The following B4GALT5 variants were observed in gnomAD, a reference collection of about 807,000 sequenced individuals.
B4GALT5 encodes UDP-Gal:beta-GlcNAc beta-1,4-galactosyltransferase 5.
Under a neutral mutation model 45.0 loss-of-function variants are expected in B4GALT5, and 11 were observed. The ratio of observed to expected loss-of-function variants is 0.24; its 90% CI spans 0.15 to 0.40. The LOEUF is 0.40. Among genes scored for constraint, B4GALT5 ranks in the 10% least tolerant of loss-of-function variants. The pLI, the probability that B4GALT5 is intolerant of heterozygous loss-of-function variation, is 1.00. For missense variants in B4GALT5, 337 were observed against 500.2 expected, an observed-to-expected ratio of 0.67 and a Z score of 3.11; for synonymous variants, 185 against 182.9, an observed-to-expected ratio of 1.01 and a Z score of -0.09.
In B4GALT5 at chr20:49,637,250, G is replaced by A. The variant is rs1314942312; in HGVS notation, c.1019+91C>T. ...TGTCAGAACAGGGCCTCGGGGTGGG[G>A]AGTAGGAGAAGGGGCTGTAATATGC... On this transcript the variant is annotated intron_variant, in intron 8 of 8. Transcript: ENST00000371711. 12 of 1,120,960 alleles carry A rather than the reference G, an allele frequency of 1.1e-5. No homozygotes were observed. The Admixed American group carries it at 1.2e-4, about 11-fold the overall frequency. 69.4% of individuals were successfully genotyped at this position (1,120,960 alleles called of 1,614,324 possible). A position where few individuals can be genotyped will look rare whatever the true frequency, so the allele number is the denominator to read the frequency against.
At chr20:49,661,875 C>T (rs1303133043) in intron 1 of B4GALT5, among the ~76,000 whole-genome samples, 2 of 152,120 alleles carry the variant, frequency 1.3e-5, no homozygotes, top group Non-Finnish European at 2.9e-5. Flanking sequence ...AATTATTATC[C>T]AGCCTCATAT....
chr20:49,713,199 G>A (rs1189230879), intron 1 of B4GALT5, among the ~76,000 whole-genome samples: 10 of 151,716 alleles, frequency 6.6e-5, no homozygotes, highest in Non-Finnish European at 1.5e-4. Context: ...GGGGTTCGAG[G>A]AGACCCCGGG....
chr20:49,688,822 A>G (rs566672226), intron 1 of B4GALT5, among the ~76,000 whole-genome samples: 51 of 151,880 alleles, frequency 3.4e-4, no homozygotes, highest in Non-Finnish European at 6.8e-4. Context: ...CTGTAATCCC[A>G]GCTACTCAGG....
intron 3 of B4GALT5, among the ~76,000 whole-genome samples, chr20:49,645,696 C>T (rs1368062132): frequency 1.3e-5 from 2 of 151,854 alleles, no homozygotes; most frequent in Non-Finnish European, 2.9e-5. Context: ...TTGCAGTGAG[C>T]GGAGACGGCA....
intron 1 of B4GALT5, among the ~76,000 whole-genome samples, chr20:49,686,728 C>CAAA (rs59766440): frequency 0.012 from 738 of 59,418 alleles, 38 homozygotes; most frequent in African/African-American, 0.036. Flanking sequence ...TGTCTCTGCC[C>CAAA]AAAAAAAAAA....
rs1601243004 is a variant in B4GALT5 at position 49,635,702 on chromosome 20, T to C, written c.*610A>G. On this transcript the variant is annotated 3_prime_UTR_variant, in exon 9 of 9. Transcript: ENST00000371711. ...ATTTTACATGGCTTATTTACAATTATACTTCTTCAAGAAGTGATTGTTATA... is the reference window on the plus strand; with the variant it reads ...ATTTTACATGGCTTATTTACAATTACACTTCTTCAAGAAGTGATTGTTATA... The C allele has an allele frequency of 6.6e-6, 1 of 152,658 alleles. No homozygotes were observed. Among genetic ancestry groups the C allele is most frequent in the Non-Finnish European group, 1.5e-5 (1 of 68,066 alleles). 9.5% of individuals were successfully genotyped at this position (152,658 alleles called of 1,614,324 possible).
At chr20:49,649,209 G>A (rs189389517) in intron 2 of B4GALT5, among the ~76,000 whole-genome samples, 1 of 152,308 alleles carries the variant, frequency 6.6e-6, no homozygotes, top group East Asian at 1.9e-4. Context: ...AATGCTTTCT[G>A]TCCTTTTCAG....
At chr20:49,668,301 C>A (rs2085700714) in intron 1 of B4GALT5, among the ~76,000 whole-genome samples, 1 of 152,020 alleles carries the variant, frequency 6.6e-6, no homozygotes, top group Non-Finnish European at 1.5e-5. Flanking sequence ...TATTAGTCTA[C>A]CATCTGTTAA....
chr20:49,656,792 T>G, intron 1 of B4GALT5, 90 bp from the exon 2 acceptor site: 2 of 1,555,332 alleles, frequency 1.3e-6, no homozygotes, highest in Non-Finnish European at 1.7e-6. Flanking sequence ...TTTTTTCTTT[T>G]TGGACTTTTA....
At position 49,637,460 on chromosome 20, in the gene B4GALT5, A is replaced by G. The variant is rs2085558871; in HGVS notation, c.918-18T>C. ...TCTGTACTCTGTCCAAGACCAAGAG[A>G]ACAGGCTTTTAGATACAACGGTAAT... On this transcript the variant is annotated intron_variant, in intron 7 of 8. Coordinates refer to ENST00000371711, the MANE Select transcript of B4GALT5 (RefSeq NM_004776.4). The G allele has an allele frequency of 1.3e-6, 2 of 1,594,564 alleles. No homozygotes were observed. Among genetic ancestry groups the G allele is most frequent in the Non-Finnish European group, 1.7e-6 (2 of 1,162,214 alleles).
chr20:49,659,757 G>C (rs2085657806), intron 1 of B4GALT5, among the ~76,000 whole-genome samples: 2 of 151,826 alleles, frequency 1.3e-5, no homozygotes, highest in Admixed American at 6.6e-5. Context: ...CATCAGCAAA[G>C]AAAACCTACT....
intron 1 of B4GALT5, among the ~76,000 whole-genome samples, chr20:49,708,231 C>A (rs148543556): frequency 1.3e-5 from 2 of 151,848 alleles, no homozygotes; most frequent in Admixed American, 6.6e-5. Context: ...GGTGACAGAG[C>A]GAGAGACTTC....
intron 1 of B4GALT5, among the ~76,000 whole-genome samples, chr20:49,693,106 G>T (rs976347273): frequency 1.3e-4 from 20 of 152,238 alleles, no homozygotes; most frequent in African/African-American, 4.8e-4. Context: ...TACCATCTAG[G>T]TTGGTGTAAG....
At chr20:49,713,508 G>A (rs117026282) in intron 1 of B4GALT5, 68 bp downstream of exon 1, 186,147 of 1,484,762 alleles carry the variant, frequency 0.13, 12,729 homozygotes, top group Middle Eastern at 0.14. Flanking sequence ...CCTTAGGGAG[G>A]GGCGGGGATT....
chr20:49,645,784 G>A (rs1455779886), intron 3 of B4GALT5, among the ~76,000 whole-genome samples: 1 of 151,802 alleles, frequency 6.6e-6, no homozygotes, highest in Non-Finnish European at 1.5e-5. Context: ...CAATTATGTA[G>A]AGTACATTAT....
In B4GALT5 at chr20:49,663,690, AATATATACAT is replaced by A. The variant is rs1278583054; in HGVS notation, c.116-6998_116-6989del. Among the ~76,000 whole-genome samples, 53 of 96,942 alleles carry A rather than the reference AATATATACAT, an allele frequency of 5.5e-4. 5 individuals carry two copies. Among genetic ancestry groups the A allele is most frequent in the African/African-American group, 2.1e-3 (48 of 22,432 alleles). The allele number at this position is 96,942 out of a possible 152,430, so 63.6% of individuals were successfully genotyped here. A position where few individuals can be genotyped will look rare whatever the true frequency, so the allele number is the denominator to read the frequency against. ...TTCATCTCAAGAAAAAAAAAAAAAAAATATATACATATATATATATATATATATATATATA... is the reference window on the plus strand; with the variant it reads ...TTCATCTCAAGAAAAAAAAAAAAAAAATATATATATATATATATATATATA... On this transcript the variant is annotated intron_variant, in intron 1 of 8. Coordinates refer to ENST00000371711, the MANE Select transcript of B4GALT5 (RefSeq NM_004776.4).
At chr20:49,689,693 AT>A (rs1024027634) in intron 1 of B4GALT5, among the ~76,000 whole-genome samples, 2 of 151,810 alleles carry the variant, frequency 1.3e-5, no homozygotes, top group Non-Finnish European at 2.9e-5. Context: ...AATTAATTAG[AT>A]TTTTTTTCCC....
At chr20:49,658,538 C>T (rs140074207) in intron 1 of B4GALT5, among the ~76,000 whole-genome samples, 130 of 152,274 alleles carry the variant, frequency 8.5e-4, no homozygotes, top group African/African-American at 3.0e-3. Context: ...TTGTGTAAAG[C>T]TTATAGTAAG....
At chr20:49,706,056 G>A (rs1049082861) in intron 1 of B4GALT5, among the ~76,000 whole-genome samples, 5 of 151,684 alleles carry the variant, frequency 3.3e-5, no homozygotes, top group Non-Finnish European at 5.9e-5. Context: ...GCTGGGCATG[G>A]TTGCAGGTGC....
Sources: gnomAD v4.1 joint callset for allele counts (sites outside exome capture counted in the v4.1 genomes callset) on GRCh38, gnomAD v4.1.1 for gene constraint, MANE v1.5 for transcripts, NCBI Gene and HGNC (gene_info 2026-07-23, HGNC 2026-07-21) for gene names.